SVOP: variants seen among roughly 807,000 people sequenced by gnomAD.
The protein encoded by SVOP is SV2 related protein, also known as synaptic vesicle 2-related protein.
Under a neutral mutation model 69.1 loss-of-function variants are expected in SVOP, and 17 were observed. The observed-to-expected ratio is 0.25, with a 90% CI of 0.17 to 0.37. The LOEUF (loss-of-function observed/expected upper bound fraction) is 0.37, where lower values mean the gene tolerates loss of function less well. Ranked by LOEUF, SVOP falls within the 10% of genes least tolerant of loss-of-function variation. The pLI is 1.00. For missense variants in SVOP, 435 were observed against 597.5 expected (o/e 0.73, Z 2.84); for synonymous variants, 238 against 238.6 (o/e 1.00, Z 0.02).
chr12:108,919,970 T>C (rs2039738645), intron 12 of SVOP, among the ~76,000 whole-genome samples, 184 bp from the exon 13 acceptor site: 1 of 152,180 alleles, frequency 6.6e-6, no homozygotes, highest in Non-Finnish European at 1.5e-5. Context: ...GATAAAAGAC[T>C]GTGACTTCTG....
chr12:108,977,528 G>A, intron 3 of SVOP, 32 bp from the exon 4 acceptor site: 1 of 1,455,780 alleles, frequency 6.9e-7, no homozygotes, highest in Non-Finnish European at 9.3e-7. Context: ...CATGAGGCCA[G>A]GATGCTGCTT....
chr12:108,952,191 G>C (rs2137415412), intron 6 of SVOP, among the ~76,000 whole-genome samples: 1 of 147,416 alleles, frequency 6.8e-6, no homozygotes, highest in South Asian at 2.2e-4. Flanking sequence ...TTGTTACAAA[G>C]TAGAAGCAAA....
intron 11 of SVOP, among the ~76,000 whole-genome samples, chr12:108,931,245 A>C (rs1456989016): frequency 5.3e-5 from 8 of 152,218 alleles, no homozygotes; most frequent in Admixed American, 5.2e-4. Flanking sequence ...CTATGATTAT[A>C]GAGGCCTAAT....
At chr12:108,983,849 A>T in intron 1 of SVOP, 88 bp from the exon 2 acceptor site, 1 of 398,474 alleles carries the variant, frequency 2.5e-6, no homozygotes, top group Middle Eastern at 6.3e-4. Flanking sequence ...GACAGGTGAA[A>T]GACTTCTTCT....
intron 2 of SVOP, among the ~76,000 whole-genome samples, chr12:108,981,918 C>A (rs973969346): frequency 0.33 from 50,010 of 151,744 alleles, 8,738 homozygotes; most frequent in African/African-American, 0.44. Context: ...CTATCAGCAT[C>A]ACCACCACTA....
intron 1 of SVOP, among the ~76,000 whole-genome samples, chr12:108,992,888 T>A (rs1002450808): frequency 6.6e-6 from 1 of 151,920 alleles, no homozygotes; most frequent in Non-Finnish European, 1.5e-5. Flanking sequence ...AAATAAAAAA[T>A]AAATAAAATG....
At chr12:108,960,344 C>T (rs2137421976) in intron 6 of SVOP, among the ~76,000 whole-genome samples, 1 of 152,288 alleles carries the variant, frequency 6.6e-6, no homozygotes, top group South Asian at 2.1e-4. Context: ...ATAGGAAGTC[C>T]TCCTCGATGC....
chr12:108,934,112 C>T, intron 11 of SVOP, 83 bp downstream of exon 11: 1 of 1,231,400 alleles, frequency 8.1e-7, no homozygotes. Flanking sequence ...AAGGGCAGAG[C>T]CTGGGGTGGG....
intron 4 of SVOP, among the ~76,000 whole-genome samples, chr12:108,975,038 G>A (rs1392932071): frequency 6.6e-6 from 1 of 152,042 alleles, no homozygotes; most frequent in Non-Finnish European, 1.5e-5. Flanking sequence ...GATTCTACAT[G>A]GTTTTTATTT....
At position 108,991,929 on chromosome 12, in the gene SVOP, AGT is replaced by A. The variant is rs776776948; in HGVS notation, c.36-8170_36-8169del. Among the ~76,000 whole-genome samples, 289 of 152,192 alleles carry A rather than the reference AGT, an allele frequency of 1.9e-3. 1 individual carries two copies. The highest frequency in any genetic ancestry group is 1.9e-3 in the Non-Finnish European group (128 of 67,998). On this transcript the variant is annotated intron_variant, in intron 1 of 15. Transcript: ENST00000610966. ...CCACTGCACCTAGCCTGGACAACAG[AGT>A]GAGATCCTGACTCTAAAGAAATAAA...
intron 6 of SVOP, among the ~76,000 whole-genome samples, chr12:108,948,461 C>T (rs2039936765): frequency 6.6e-6 from 1 of 152,186 alleles, no homozygotes; most frequent in South Asian, 2.1e-4. Flanking sequence ...CATCTATCAA[C>T]AACAGAGAAG....
intron 1 of SVOP, among the ~76,000 whole-genome samples, chr12:109,011,458 G>A (rs1411100130): frequency 6.6e-6 from 1 of 152,150 alleles, no homozygotes; most frequent in Non-Finnish European, 1.5e-5. Context: ...CTTGTCTAGG[G>A]ATCCTCCCCC....
At chr12:109,016,367 C>T (rs909777191) in intron 1 of SVOP, among the ~76,000 whole-genome samples, 1 of 152,116 alleles carries the variant, frequency 6.6e-6, no homozygotes. Context: ...AAATGGTGGA[C>T]CCAAACTCAA....
Position 109,020,882 on chromosome 12 carries a change from C to T in SVOP, c.-14G>A. On this transcript the variant is annotated 5_prime_UTR_variant, in exon 1 of 16. Transcript: ENST00000610966. ...GTCCTCCTCCATGTCCGCGCTGCGCCAGGATGAGCCCTTCTCATGGCCCTT... is the reference window on the plus strand; with the variant it reads ...GTCCTCCTCCATGTCCGCGCTGCGCTAGGATGAGCCCTTCTCATGGCCCTT... The T allele has an allele frequency of 1.4e-6, 1 of 718,008 alleles. No homozygotes were observed. The highest frequency in any genetic ancestry group is 2.6e-6 in the Non-Finnish European group (1 of 384,942). The allele number at this position is 718,008 out of a possible 1,614,324, so 44.5% of individuals were successfully genotyped here. A position where few individuals can be genotyped will look rare whatever the true frequency, so the allele number is the denominator to read the frequency against.
Position 108,960,971 on chromosome 12 carries a change from A to G in SVOP, c.530T>C (p.Leu177Pro). 2 of 1,537,190 alleles carry G rather than the reference A, an allele frequency of 1.3e-6. No individual in the cohort carries two copies. Among genetic ancestry groups the G allele is most frequent in the Non-Finnish European group, 1.7e-6 (2 of 1,146,862 alleles). ...SAFAPVYSWI[L>P]VLRGLVGFGI... is the part of the protein sequence containing the mutation. ...GAAGCCCACCAGGCCCCGGAGCACCAGGATCCAGCTATACACGGGCGCAAA... is the reference window on the plus strand; with the variant it reads ...GAAGCCCACCAGGCCCCGGAGCACCGGGATCCAGCTATACACGGGCGCAAA... Residue 177 changes from leucine (L) to proline (P), a missense_variant, in exon 6 of 16, where the codon CTG (leucine) becomes CCG (proline). Physicochemically the swap from Leu to Pro is moderately conservative, Grantham distance 98. Transcript: ENST00000610966.
chr12:108,976,595 T>G (rs963958787), intron 4 of SVOP, among the ~76,000 whole-genome samples: 1 of 149,956 alleles, frequency 6.7e-6, no homozygotes, highest in Non-Finnish European at 1.5e-5. Flanking sequence ...AGCCTGGCCA[T>G]TCCTCTCTCT....
At chr12:108,972,802 A>G (rs2040086760) in intron 4 of SVOP, among the ~76,000 whole-genome samples, 1 of 152,222 alleles carries the variant, frequency 6.6e-6, no homozygotes, top group African/African-American at 2.4e-5. Flanking sequence ...AGCTTTTGAC[A>G]AGTTTCACAC....
At chr12:108,984,365 AT>A (rs1480102295) in intron 1 of SVOP, among the ~76,000 whole-genome samples, 4 of 152,172 alleles carry the variant, frequency 2.6e-5, no homozygotes, top group African/African-American at 9.7e-5. Flanking sequence ...CAGAATCCCA[AT>A]GTCTCTTGAA....
At chr12:108,942,408 G>T (rs2039896523) in intron 7 of SVOP, among the ~76,000 whole-genome samples, 1 of 152,202 alleles carries the variant, frequency 6.6e-6, no homozygotes, top group South Asian at 2.1e-4. Context: ...TCTCGATGGG[G>T]CTGAATATCT....
Sources: allele counts gnomAD v4.1 joint callset (sites outside exome capture counted in the v4.1 genomes callset), GRCh38; gene constraint gnomAD v4.1.1; transcripts MANE v1.5; gene names NCBI Gene and HGNC (gene_info 2026-07-23, HGNC 2026-07-21).